DMD: variants seen among roughly 807,000 people sequenced by gnomAD.
DMD encodes mutant dystrophin.
In DMD, 63 loss-of-function variants were observed where a neutral mutation model predicts 330.1. The ratio of observed to expected loss-of-function variants is 0.19; its 90% CI spans 0.16 to 0.24. The LOEUF is 0.24. Among genes scored for constraint, DMD ranks in the 10% least tolerant of loss-of-function variants. DMD has a pLI of 1.00. For missense variants in DMD, 3,344 were observed against 2,684.1 expected (o/e 1.25, Z -5.43); for synonymous variants, 1,223 against 959.8 (o/e 1.27, Z -5.07).
chrX:32,737,450 T>C (rs1488363979), intron 7 of DMD, among the ~76,000 whole-genome samples: 1 of 110,938 alleles, frequency 9.0e-6, no homozygotes, highest in African/African-American at 3.3e-5. Flanking sequence ...CAGTCTGTCT[T>C]GCTCCAGGAT....
intron 30 of DMD, among the ~76,000 whole-genome samples, chrX:32,401,255 G>A (rs1272284872): frequency 6.4e-5 from 7 of 108,682 alleles, no homozygotes; most frequent in Admixed American, 9.9e-5. Flanking sequence ...TGGGTGCAGC[G>A]CACCAGCATG....
At chrX:33,219,276 C>T (rs902338599) in intron 1 of DMD, among the ~76,000 whole-genome samples, 1 of 105,690 alleles carries the variant, frequency 9.5e-6, no homozygotes, top group African/African-American at 3.4e-5. Context: ...TGGTTCCCCA[C>T]TCCATCTATG....
chrX:32,696,798 G>A (rs1050881438), intron 9 of DMD, among the ~76,000 whole-genome samples: 3 of 111,308 alleles, frequency 2.7e-5, no homozygotes, highest in Admixed American at 9.6e-5. Context: ...GATAAATTGA[G>A]TCTAGAGAGT....
At chrX:32,677,174 AT>A (rs774416580) in intron 9 of DMD, among the ~76,000 whole-genome samples, 2 of 111,361 alleles carry the variant, frequency 1.8e-5, no homozygotes, top group South Asian at 7.3e-4. Context: ...CTAAGTACAT[AT>A]ATAGATGTAT....
chrX:32,601,474 G>A lies in DMD; in HGVS notation c.1483-5598C>T, dbSNP rs1206076177. ...CTGTTTCAATGGAGAGATTTGAAAGGCTATACAAGCACACTAAATGCTTCT... is the reference window on the plus strand; with the variant it reads ...CTGTTTCAATGGAGAGATTTGAAAGACTATACAAGCACACTAAATGCTTCT... On this transcript the variant is annotated intron_variant, in intron 12 of 78. Transcript: ENST00000357033. Among the ~76,000 whole-genome samples the A allele has an allele frequency of 2.7e-5, 3 of 111,495 alleles. No homozygotes were observed. The Admixed American group carries it at 2.9e-4, about 11-fold the overall frequency.
chrX:32,474,136 G>A (rs2040952475), intron 21 of DMD, among the ~76,000 whole-genome samples: 1 of 110,270 alleles, frequency 9.1e-6, no homozygotes, highest in Admixed American at 9.7e-5. Context: ...ATCTCATTCA[G>A]GTCACTGCAA....
chrX:32,190,683 T>G (rs2096971352), intron 44 of DMD, among the ~76,000 whole-genome samples: 1 of 105,932 alleles, frequency 9.4e-6, no homozygotes, highest in Non-Finnish European at 1.9e-5. Flanking sequence ...GCCTATTTAC[T>G]GAAGTATTTG....
chrX:32,806,894 A>G (rs1299187068), intron 7 of DMD, among the ~76,000 whole-genome samples: 1 of 110,133 alleles, frequency 9.1e-6, no homozygotes, highest in Admixed American at 9.8e-5. Context: ...TTTGAAACCA[A>G]TGAGAACAAA....
At chrX:31,894,707 C>A (rs1022185701) in intron 47 of DMD, among the ~76,000 whole-genome samples, 4 of 112,016 alleles carry the variant, frequency 3.6e-5, no homozygotes, top group African/African-American at 1.3e-4. Context: ...ATTAGAGCAT[C>A]TCTATTAGAC....
chrX:33,035,844 T>C (rs764274553), intron 1 of DMD, among the ~76,000 whole-genome samples: 2 of 111,819 alleles, frequency 1.8e-5, no homozygotes, highest in South Asian at 3.7e-4. Flanking sequence ...TATGAAAGTG[T>C]CTGAGAATAA....
rs901300707 is a variant in DMD, at chrX:33,242,026, T to A, written c.7+97233A>T. On this transcript the variant is annotated intron_variant, in intron 1 of 17. Coordinates refer to the DMD transcript ENST00000288447. ...ATCCGCCAACCTCGGCCTCCCAAAG[T>A]GATGGGATTACAGGCGTGAGCCACC... Among the ~76,000 whole-genome samples, 7 of 112,293 alleles carry A rather than the reference T, an allele frequency of 6.2e-5. No homozygotes were observed. The Admixed American group carries it at 6.6e-4, about 11-fold the overall frequency.
At chrX:31,996,529 G>A (rs939190756) in intron 44 of DMD, among the ~76,000 whole-genome samples, 2 of 111,389 alleles carry the variant, frequency 1.8e-5, no homozygotes, top group East Asian at 2.8e-4. Context: ...AAACAGCCAA[G>A]GTCAGTGGAA....
At chrX:32,582,865 C>T (rs891841120) in intron 13 of DMD, among the ~76,000 whole-genome samples, 3 of 110,956 alleles carry the variant, frequency 2.7e-5, no homozygotes, top group African/African-American at 6.6e-5. Context: ...TTCTACAATC[C>T]GGGAATATCT....
chrX:32,600,932 G>C (rs1006001140), intron 12 of DMD, among the ~76,000 whole-genome samples: 1 of 110,747 alleles, frequency 9.0e-6, no homozygotes, highest in Non-Finnish European at 1.9e-5. Flanking sequence ...AGATACTAAT[G>C]ATCATGTTAA....
chrX:32,355,634 T>C (rs1227520648), intron 37 of DMD, among the ~76,000 whole-genome samples: 1 of 111,642 alleles, frequency 9.0e-6, no homozygotes, highest in Non-Finnish European at 1.9e-5. Flanking sequence ...AACCTTGTTA[T>C]AGGGATAACC....
intron 62 of DMD, among the ~76,000 whole-genome samples, chrX:31,268,676 A>G (rs186248594): frequency 1.7e-4 from 19 of 112,346 alleles, no homozygotes; most frequent in African/African-American, 6.1e-4. Flanking sequence ...AGTAAATCAG[A>G]GACACCAATC....
At chrX:32,781,117 C>CA (rs1270577252) in intron 7 of DMD, among the ~76,000 whole-genome samples, 1 of 61,581 alleles carries the variant, frequency 1.6e-5, no homozygotes, top group African/African-American at 7.6e-5. Context: ...GCCTCTGTCT[C>CA]AAAAAAAGAA....
chrX:32,853,651 G>A (rs993080686), intron 2 of DMD, among the ~76,000 whole-genome samples: 11 of 107,445 alleles, frequency 1.0e-4, no homozygotes, highest in African/African-American at 3.7e-4. Context: ...CACTAAAAAG[G>A]AAGACAGGAT....
intron 13 of DMD, among the ~76,000 whole-genome samples, chrX:32,589,708 TGA>T (rs751650116): frequency 1.8e-5 from 2 of 111,476 alleles, no homozygotes; most frequent in Non-Finnish European, 3.8e-5. Flanking sequence ...ACTATAAACA[TGA>T]GTTTTCTGAC....
Sources: gnomAD v4.1 joint callset for allele counts (sites outside exome capture counted in the v4.1 genomes callset) on GRCh38, gnomAD v4.1.1 for gene constraint, MANE v1.5 for transcripts, NCBI Gene and HGNC (gene_info 2026-07-23, HGNC 2026-07-21) for gene names.